SIK3: variants seen among roughly 807,000 people sequenced by gnomAD.
The protein encoded by SIK3 is SIK family kinase 3, also known as serine/threonine-protein kinase SIK3.
In SIK3, 28 loss-of-function variants were observed where a neutral mutation model predicts 144.2. The observed-to-expected ratio is 0.19, with a 90% CI of 0.14 to 0.27. SIK3 has a LOEUF of 0.27. Among genes scored for constraint, SIK3 ranks in the 10% least tolerant of loss-of-function variants. SIK3 has a pLI of 1.00. For missense variants in SIK3, 1,319 were observed against 1,776.0 expected, an observed-to-expected ratio of 0.74 and a Z score of 4.62; for synonymous variants, 686 against 676.3, an observed-to-expected ratio of 1.01 and a Z score of -0.22.
At chr11:117,002,157 AC>A (rs1472000339) in intron 1 of SIK3, among the ~76,000 whole-genome samples, 13 of 152,256 alleles carry the variant, frequency 8.5e-5, no homozygotes, top group Admixed American at 8.5e-4. Flanking sequence ...TGCCATTTGA[AC>A]ATTGTAGTAA....
At position 116,861,803 on chromosome 11, in the gene SIK3, G is replaced by A. The variant is rs117010832; in HGVS notation, c.2315+38C>T. 8,731 of 1,417,950 alleles carry A rather than the reference G, an allele frequency of 6.2e-3. 399 individuals are homozygous for A. In the East Asian group the frequency reaches 0.093, roughly 15 times the overall value. The allele number at this position is 1,417,950 out of a possible 1,614,324, so 87.8% of individuals were successfully genotyped here. ...GTCAAGCCAAGGGTACCAGGCTATC[G>A]AGACAATGGCTTAGGCACAACACAA... On this transcript the variant is annotated intron_variant, in intron 18 of 24. Coordinates refer to ENST00000445177, the MANE Select transcript of SIK3 (RefSeq NM_001366686.3).
chr11:116,917,171 G>A (rs2135023561), intron 4 of SIK3, among the ~76,000 whole-genome samples: 1 of 152,074 alleles, frequency 6.6e-6, no homozygotes, highest in Non-Finnish European at 1.5e-5. Context: ...TCAGAGTGAA[G>A]GAGCACTCTG....
chr11:117,096,753 T>C (rs1374796428), intron 1 of SIK3, among the ~76,000 whole-genome samples: 1 of 151,926 alleles, frequency 6.6e-6, no homozygotes, highest in Non-Finnish European at 1.5e-5. Context: ...AGAAAGATGG[T>C]GGGGAAGGAA....
At chr11:116,860,114 G>A (rs546155401) in intron 19 of SIK3, among the ~76,000 whole-genome samples, 113 of 152,074 alleles carry the variant, frequency 7.4e-4, no homozygotes, top group Non-Finnish European at 1.3e-3. Context: ...GTGTGGTGGC[G>A]GGCGCCTGTA....
At position 116,843,402 on chromosome 11, in the gene SIK3, T is replaced by A. The variant is rs494606; in HGVS notation, c.*2241A>T. The stretch of plus-strand genomic sequence containing the variant: ...AGGACAAAAGGCAGGACAAAAGGTC[T>A]TAGCAACTTGAGTCTGGAGATTTTT... On this transcript the variant is annotated 3_prime_UTR_variant, in exon 25 of 25. Coordinates refer to ENST00000445177, the MANE Select transcript of SIK3 (RefSeq NM_001366686.3). 1 of 152,072 alleles carries A rather than the reference T, an allele frequency of 6.6e-6. No individual in the cohort carries two copies. The highest frequency in any genetic ancestry group is 2.4e-5 in the African/African-American group (1 of 41,358). 9.4% of individuals were successfully genotyped at this position (152,072 alleles called of 1,614,324 possible).
chr11:117,014,595 T>C (rs1486430033), intron 1 of SIK3, among the ~76,000 whole-genome samples: 1 of 146,752 alleles, frequency 6.8e-6, no homozygotes, highest in Admixed American at 7.0e-5. Flanking sequence ...GGGGGGCTCA[T>C]CTCCAAAATA....
intron 4 of SIK3, among the ~76,000 whole-genome samples, chr11:116,903,447 G>C (rs1468300370): frequency 6.6e-6 from 1 of 152,052 alleles, no homozygotes; most frequent in Non-Finnish European, 1.5e-5. Context: ...TACATGTATA[G>C]ACAACTGGAA....
At chr11:116,994,487 C>T (rs781098036) in intron 1 of SIK3, among the ~76,000 whole-genome samples, 3 of 152,218 alleles carry the variant, frequency 2.0e-5, no homozygotes, top group Admixed American at 1.3e-4. Flanking sequence ...AGCATTCTCA[C>T]TTGTTACGGT....
Position 116,844,599 on chromosome 11 carries a change from ATATATATAT to A in SIK3, c.*1035_*1043del, listed in dbSNP as rs1941770800. ...AGGAGAGCATATATATATATATTTT[ATATATATAT>A]TATATATATAATATATATATAATAT... On this transcript the variant is annotated 3_prime_UTR_variant, in exon 25 of 25. Coordinates refer to ENST00000445177, the MANE Select transcript of SIK3 (RefSeq NM_001366686.3). The A allele has an allele frequency of 2.5e-5, 2 of 81,204 alleles. No individual in the cohort carries two copies. Among genetic ancestry groups the A allele is most frequent in the Non-Finnish European group, 4.9e-5 (2 of 40,912 alleles). The allele number at this position is 81,204 out of a possible 1,614,324, so 5.0% of individuals were successfully genotyped here. A position where few individuals can be genotyped will look rare whatever the true frequency, so the allele number is the denominator to read the frequency against.
chr11:116,913,400 A>G (rs567485589), intron 4 of SIK3, among the ~76,000 whole-genome samples: 5 of 152,304 alleles, frequency 3.3e-5, no homozygotes, highest in African/African-American at 1.2e-4. Context: ...AAAACACCTT[A>G]GCAGGTACAA....
rs746325208 is a variant in SIK3, at chr11:116,873,655, G to A, written c.1582-19C>T. ...ACTGCTCCTGCCAGGAACAGAGTGG[G>A]GAGGACGGACCATGAGATGAGGGGA... On this transcript the variant is annotated intron_variant, in intron 12 of 24. Transcript: ENST00000445177. The A allele has an allele frequency of 2.6e-6, 4 of 1,532,946 alleles. No homozygotes were observed. The highest frequency in any genetic ancestry group is 3.5e-6 in the Non-Finnish European group (4 of 1,144,910). The allele number at this position is 1,532,946 out of a possible 1,614,324, so 95.0% of individuals were successfully genotyped here.
intron 1 of SIK3, among the ~76,000 whole-genome samples, chr11:116,972,058 G>A (rs1446777857): frequency 2.0e-5 from 3 of 149,920 alleles, no homozygotes; most frequent in African/African-American, 7.4e-5. Context: ...CTGCACTCCA[G>A]CCTGGGCAAC....
rs71037442 is a variant in SIK3 at position 117,013,972 on chromosome 11, C to CTT, written c.274-56910_274-56909dup. On this transcript the variant is annotated intron_variant, in intron 1 of 24. Transcript: ENST00000445177. The stretch of plus-strand genomic sequence containing the variant: ...TGTGTTTTATTTCTTTTTTTCTTTT[C>CTT]TTTTTTTTTTTTTTTTTTTTTTGAG... 1.1e-3 allele frequency among the ~76,000 whole-genome samples: 31 copies of CTT among 27,056 alleles called. 5 individuals carry two copies. The highest frequency in any genetic ancestry group is 2.5e-3 in the Admixed American group (4 of 1,606). 17.7% of individuals were successfully genotyped at this position (27,056 alleles called of 152,430 possible). A position where few individuals can be genotyped will look rare whatever the true frequency, so the allele number is the denominator to read the frequency against.
intron 1 of SIK3, among the ~76,000 whole-genome samples, chr11:117,052,657 T>C (rs1043490734): frequency 6.6e-6 from 1 of 152,240 alleles, no homozygotes; most frequent in Admixed American, 6.5e-5. Flanking sequence ...TGGCCTTGGA[T>C]TGTATCCCTT....
At chr11:116,913,906 A>G (rs749093828) in intron 4 of SIK3, among the ~76,000 whole-genome samples, 6 of 128,088 alleles carry the variant, frequency 4.7e-5, no homozygotes, top group Non-Finnish European at 1.0e-4. Flanking sequence ...ACAAACAAAT[A>G]AACAAAAAAC....
At chr11:116,874,805 C>T (rs1416328760) in intron 11 of SIK3, among the ~76,000 whole-genome samples, 2 of 152,152 alleles carry the variant, frequency 1.3e-5, no homozygotes, top group African/African-American at 4.8e-5. Context: ...AAGAAAAAAT[C>T]CAGAAAAGAG....
intron 21 of SIK3, among the ~76,000 whole-genome samples, chr11:116,850,845 C>A (rs926555076): frequency 2.4e-4 from 36 of 152,118 alleles, no homozygotes; most frequent in African/African-American, 8.5e-4. Flanking sequence ...CCCACCTCTA[C>A]TAAAATTACA....
At chr11:117,078,260 C>T (rs1230229074) in intron 1 of SIK3, among the ~76,000 whole-genome samples, 1 of 152,064 alleles carries the variant, frequency 6.6e-6, no homozygotes, top group Non-Finnish European at 1.5e-5. Flanking sequence ...GGAGGCTACA[C>T]TAAAGAATAA....
At chr11:117,011,755 G>A (rs1175514702) in intron 1 of SIK3, among the ~76,000 whole-genome samples, 1 of 152,122 alleles carries the variant, frequency 6.6e-6, no homozygotes, top group Non-Finnish European at 1.5e-5. Flanking sequence ...TGAGGCAGAA[G>A]GACTGCTTGA....
Sources: gnomAD v4.1 joint callset for allele counts (sites outside exome capture counted in the v4.1 genomes callset) on GRCh38, gnomAD v4.1.1 for gene constraint, MANE v1.5 for transcripts, NCBI Gene and HGNC (gene_info 2026-07-23, HGNC 2026-07-21) for gene names.